Variants in TXN observed in about 807,000 individuals in gnomAD.
TXN encodes ADF.
In TXN, 10 loss-of-function variants were observed where a neutral mutation model predicts 16.5. The ratio of observed to expected loss-of-function variants is 0.61; its 90% confidence interval spans 0.37 to 1.03. TXN has a LOEUF of 1.03. Among genes scored for constraint, TXN ranks in the 50% least tolerant of loss-of-function variants. The probability of loss-of-function intolerance (pLI) is 0.01; values close to 1 mark genes in which losing one functional copy is unlikely to be tolerated. For synonymous variants in TXN, 35 were observed against 39.4 expected (o/e 0.89, Z 0.42); for missense variants, 71 against 122.5 (o/e 0.58, Z 1.98).
chr9:110,245,038 A>T (rs981504633), intron 3 of TXN, 195 bp from the exon 4 acceptor site: 12 of 397,078 alleles, frequency 3.0e-5, no homozygotes, highest in Non-Finnish European at 5.4e-5. Context: ...TATATTCTCA[A>T]TGAAGAAGTT....
chr9:110,250,329 A>T (rs2118574048), intron 3 of TXN, among the ~76,000 whole-genome samples: 1 of 152,358 alleles, frequency 6.6e-6, no homozygotes, highest in South Asian at 2.1e-4. Flanking sequence ...CTTCCAAATT[A>T]TTCTCTCAGG....
At position 110,256,481 on chromosome 9, in the gene TXN, TGGATCCAAA is replaced by T. The variant is rs1564082083; in HGVS notation, c.-55_-47del. On this transcript the variant is annotated 5_prime_UTR_variant, in exon 1 of 5. Coordinates refer to ENST00000374517, the MANE Select transcript of TXN (RefSeq NM_003329.4). This position sits in a 1 kb window ranked among gnomAD's most constrained non-coding sequence, Gnocchi z 4.2. ...GAGCGGCTGTAAGGACCGATGGAAA[TGGATCCAAA>T]GCACCAAACAGAGCTTCAAGACTCG... 2 of 1,589,740 alleles carry T rather than the reference TGGATCCAAA, an allele frequency of 1.3e-6. No homozygotes were observed. The highest frequency in any genetic ancestry group is 8.6e-7 in the Non-Finnish European group (1 of 1,166,868).
intron 3 of TXN, among the ~76,000 whole-genome samples, chr9:110,245,863 G>A (rs1479736159): frequency 6.6e-6 from 1 of 150,966 alleles, no homozygotes; most frequent in Non-Finnish European, 1.5e-5. Context: ...TCAGGAGTTC[G>A]AGACTAGCCT....
At chr9:110,244,906 A>C in intron 3 of TXN, 63 bp from the exon 4 acceptor site, 1 of 1,404,472 alleles carries the variant, frequency 7.1e-7, no homozygotes, top group South Asian at 1.2e-5. Context: ...GAGCTTTGAC[A>C]GAAGTAATCC....
intron 4 of TXN, 132 bp from the exon 5 acceptor site, chr9:110,244,351 T>TTATATA: frequency 3.3e-5 from 6 of 184,404 alleles, no homozygotes; most frequent in African/African-American, 1.6e-4. Context: ...AAATATGTAT[T>TTATATA]CAGCATAGAA....
At position 110,244,257 on chromosome 9, in the gene TXN, C is replaced by T. The variant is rs764402647; in HGVS notation, c.256-38G>A. 22 of 1,194,420 alleles carry T rather than the reference C, an allele frequency of 1.8e-5. 1 individual carries two copies. Among genetic ancestry groups the T allele is most frequent in the Non-Finnish European group, 2.4e-5 (21 of 880,942 alleles). The allele number at this position is 1,194,420 out of a possible 1,614,324, so 74.0% of individuals were successfully genotyped here. The stretch of plus-strand genomic sequence containing the variant: ...TATTGAATTGACATTAGACGTAGCA[C>T]TGTAGCACTGTTTTATACATAAAAT... On this transcript the variant is annotated intron_variant, in intron 4 of 4. Coordinates refer to ENST00000374517, the MANE Select transcript of TXN (RefSeq NM_003329.4).
chr9:110,256,483 G>C lies in TXN; in HGVS notation c.-48C>G, dbSNP rs374781991. 2.0e-5 allele frequency: 32 copies of C among 1,585,008 alleles called. No individual in the cohort carries two copies. The highest frequency in any genetic ancestry group is 2.7e-5 in the Non-Finnish European group (31 of 1,163,344). The stretch of plus-strand genomic sequence containing the variant: ...GCGGCTGTAAGGACCGATGGAAATG[G>C]ATCCAAAGCACCAAACAGAGCTTCA... On this transcript the variant is annotated 5_prime_UTR_variant, in exon 1 of 5. It adds an upstream start codon to the 5' untranslated region. Coordinates refer to ENST00000374517, the MANE Select transcript of TXN (RefSeq NM_003329.4). The surrounding 1 kb of genome is among the most constrained non-coding windows in gnomAD (Gnocchi z 4.2).
chr9:110,245,654 A>ATAT (rs1232332404), intron 3 of TXN, among the ~76,000 whole-genome samples: 10 of 21,786 alleles, frequency 4.6e-4, no homozygotes, highest in Non-Finnish European at 3.7e-4. Context: ...ATATATATAT[A>ATAT]TTTTTTTTTT....
chr9:110,252,177 T>C (rs192101540), intron 1 of TXN, among the ~76,000 whole-genome samples: 19 of 138,800 alleles, frequency 1.4e-4, no homozygotes, highest in Admixed American at 1.1e-3. Flanking sequence ...TGAGCCAAAA[T>C]TGTGCCACTG....
At position 110,256,339 on chromosome 9, in the gene TXN, C is replaced by A; in HGVS notation, c.24+73G>T. The A allele has an allele frequency of 6.7e-7, 1 of 1,499,172 alleles. No individual in the cohort carries two copies. The highest frequency in any genetic ancestry group is 9.1e-7 in the Non-Finnish European group (1 of 1,100,774). 92.9% of individuals were successfully genotyped at this position (1,499,172 alleles called of 1,614,324 possible). A position where few individuals can be genotyped will look rare whatever the true frequency, so the allele number is the denominator to read the frequency against. ...CCTCCCGCCACCGCCTTCCCCACCT[C>A]CCGCCACCGCCTTCCCCAGTTACAG... On this transcript the variant is annotated intron_variant, in intron 1 of 4. Transcript: ENST00000374517. This position sits in a 1 kb window ranked among gnomAD's most constrained non-coding sequence, Gnocchi z 4.2.
chr9:110,244,401 C>T lies in TXN; in HGVS notation c.256-182G>A, dbSNP rs1458723280. ...GGGTGGAGGGAAAAAGAAGTATAATCTTATTTAAAGTAAACTTCCCTGAAT... is the reference window on the plus strand; with the variant it reads ...GGGTGGAGGGAAAAAGAAGTATAATTTTATTTAAAGTAAACTTCCCTGAAT... On this transcript the variant is annotated intron_variant, in intron 4 of 4. Transcript: ENST00000374517. Among the ~76,000 whole-genome samples the T allele has an allele frequency of 5.5e-5, 7 of 126,786 alleles. No individual in the cohort carries two copies. In the Admixed American group the frequency reaches 6.1e-4, roughly 11 times the overall value. 83.2% of individuals were successfully genotyped at this position (126,786 alleles called of 152,430 possible).
chr9:110,244,714 A>G (rs1837624957), intron 4 of TXN, 64 bp downstream of exon 4: 1 of 1,383,272 alleles, frequency 7.2e-7, no homozygotes, highest in African/African-American at 1.4e-5. Context: ...CACTCCAGTG[A>G]TTTATTCACT....
intron 1 of TXN, among the ~76,000 whole-genome samples, chr9:110,255,163 G>A (rs1837791773): frequency 6.6e-6 from 1 of 152,206 alleles, no homozygotes; most frequent in Non-Finnish European, 1.5e-5. Flanking sequence ...AAGCCCACCC[G>A]GCACCAAACA....
intron 3 of TXN, among the ~76,000 whole-genome samples, chr9:110,245,629 TATATATATATATATATATATATATA>T (rs1224154811): frequency 5.2e-5 from 1 of 19,306 alleles, no homozygotes; most frequent in Non-Finnish European, 9.3e-5. Context: ...TATATATATA[TATATATATATATATATATATATATA>T]TTTTTTTTTT....
At chr9:110,244,330 T>TACATATACATATGTATATATAC in intron 4 of TXN, 111 bp from the exon 5 acceptor site, 1 of 294,782 alleles carries the variant, frequency 3.4e-6, no homozygotes, top group East Asian at 7.5e-5. Flanking sequence ...TGTATATATA[T>TACATATACATATGTATATATAC]ACATATGTAT....
chr9:110,250,357 G>A (rs1448990159), intron 3 of TXN, among the ~76,000 whole-genome samples: 2 of 152,150 alleles, frequency 1.3e-5, no homozygotes, highest in Non-Finnish European at 2.9e-5. Context: ...GTGTTTATTT[G>A]TTAAAACATT....
chr9:110,256,329 T>G lies in TXN; in HGVS notation c.24+83A>C. ...GGCCTCCGCACCTCCCGCCACCGCCTTCCCCACCTCCCGCCACCGCCTTCC... is the reference window on the plus strand; with the variant it reads ...GGCCTCCGCACCTCCCGCCACCGCCGTCCCCACCTCCCGCCACCGCCTTCC... On this transcript the variant is annotated intron_variant, in intron 1 of 4. Coordinates refer to ENST00000374517, the MANE Select transcript of TXN (RefSeq NM_003329.4). This position sits in a 1 kb window ranked among gnomAD's most constrained non-coding sequence, Gnocchi z 4.2. The G allele has an allele frequency of 4.8e-5, 50 of 1,039,610 alleles. No individual in the cohort carries two copies. Among genetic ancestry groups the G allele is most frequent in the Middle Eastern group, 2.6e-4 (1 of 3,828 alleles). 64.4% of individuals were successfully genotyped at this position (1,039,610 alleles called of 1,614,324 possible).
At position 110,256,307 on chromosome 9, in the gene TXN, C is replaced by CTCCGCACCTCCCGCCACCGCCT. The variant is rs1837808969; in HGVS notation, c.24+83_24+104dup. The CTCCGCACCTCCCGCCACCGCCT allele has an allele frequency of 4.0e-6, 5 of 1,255,272 alleles. No individual in the cohort carries two copies. The highest frequency in any genetic ancestry group is 5.6e-6 in the Non-Finnish European group (5 of 891,124). The allele number at this position is 1,255,272 out of a possible 1,614,324, so 77.8% of individuals were successfully genotyped here. ...TCCCCTGGCGATGCGGAGGGGCGGC[C>CTCCGCACCTCCCGCCACCGCCT]TCCGCACCTCCCGCCACCGCCTTCC... On this transcript the variant is annotated intron_variant, in intron 1 of 4. Coordinates refer to ENST00000374517, the MANE Select transcript of TXN (RefSeq NM_003329.4). This position sits in a 1 kb window ranked among gnomAD's most constrained non-coding sequence, Gnocchi z 4.2.
At chr9:110,245,023 C>G in intron 3 of TXN, 180 bp from the exon 4 acceptor site, 1 of 442,684 alleles carries the variant, frequency 2.3e-6, no homozygotes, top group Non-Finnish European at 4.2e-6. Flanking sequence ...AAAAGCCAAA[C>G]CGGTTATATT....
Sources: gnomAD v4.1 joint callset for allele counts (sites outside exome capture counted in the v4.1 genomes callset) on GRCh38, gnomAD v4.1.1 for gene constraint, Gnocchi (gnomAD v3.1) non-coding constraint, MANE v1.5 for transcripts, NCBI Gene and HGNC (gene_info 2026-07-23, HGNC 2026-07-21) for gene names.